PRIM2: variants seen among roughly 807,000 people sequenced by gnomAD.
PRIM2 encodes DNA primase subunit 2, also known as DNA primase large subunit.
A neutral mutation model predicts 67.3 loss-of-function variants in PRIM2; 39 were observed. The ratio of observed to expected loss-of-function variants is 0.58; its 90% CI spans 0.45 to 0.76. The LOEUF (loss-of-function observed/expected upper bound fraction) is 0.76, where lower values mean the gene tolerates loss of function less well. PRIM2 is among the 30% of genes least tolerant of loss of function. PRIM2 has a pLI of 0.00. For synonymous variants in PRIM2, 143 were observed against 198.7 expected (o/e 0.72, Z 2.36); for missense variants, 398 against 598.7 (o/e 0.66, Z 3.50).
At chr6:57,430,530 T>C (rs1226847269) in intron 7 of PRIM2, among the ~76,000 whole-genome samples, 2 of 139,182 alleles carry the variant, frequency 1.4e-5, no homozygotes, top group Non-Finnish European at 3.1e-5. Context: ...CTCAGCTCAC[T>C]GCAACCTCTA....
chr6:57,392,559 T>C (rs1409441587), intron 7 of PRIM2, among the ~76,000 whole-genome samples: 1 of 151,774 alleles, frequency 6.6e-6, no homozygotes, highest in South Asian at 2.1e-4. Context: ...AAAAGGAACA[T>C]AGAACTGATA....
chr6:57,594,706 A>G (rs1221979482), intron 10 of PRIM2, among the ~76,000 whole-genome samples: 1 of 152,228 alleles, frequency 6.6e-6, no homozygotes, highest in Non-Finnish European at 1.5e-5. Flanking sequence ...AAAAGCTAAA[A>G]CATTACAATT....
chr6:57,243,928 T>C, the PRIM2 span, among the ~76,000 whole-genome samples: 1 of 152,370 alleles, frequency 6.6e-6, no homozygotes, highest in South Asian at 2.1e-4. Context: ...TAATTATACC[T>C]GTTAAAGTAT....
chr6:57,620,945 G>A lies in PRIM2; in HGVS notation c.1231-11188G>A, dbSNP rs1265700331. ...AGGGGTAGCTGTTCTTATATCAGAT[G>A]AAACAAACTTTAAAGCAACAGCATT... is the stretch of plus-strand genomic sequence containing the variant. On this transcript the variant is annotated intron_variant, in intron 12 of 13. Coordinates refer to ENST00000615550, the MANE Select transcript of PRIM2 (RefSeq NM_000947.5). 5.2e-3 allele frequency among the ~76,000 whole-genome samples: 798 copies of A among 152,368 alleles called. 2 individuals are homozygous for A. The highest frequency in any genetic ancestry group is 0.018 in the African/African-American group (769 of 41,594).
chr6:57,340,355 G>A (rs1408320161), intron 5 of PRIM2, among the ~76,000 whole-genome samples: 2 of 151,998 alleles, frequency 1.3e-5, no homozygotes, highest in African/African-American at 2.4e-5. Context: ...CCCATTACTG[G>A]GTATATACCC....
chr6:57,517,003 G>A (rs1774501117), intron 8 of PRIM2, among the ~76,000 whole-genome samples: 1 of 152,156 alleles, frequency 6.6e-6, no homozygotes, highest in Non-Finnish European at 1.5e-5. Flanking sequence ...ACCAGAGATT[G>A]TAGATTTCCC....
intron 5 of PRIM2, among the ~76,000 whole-genome samples, chr6:57,328,222 A>G (rs1767939484): frequency 6.6e-6 from 1 of 152,208 alleles, no homozygotes; most frequent in Non-Finnish European, 1.5e-5. Context: ...AAATCTTGAC[A>G]TGCACCCTTT....
the PRIM2 span, among the ~76,000 whole-genome samples, chr6:57,241,830 GC>G: frequency 1.3e-5 from 2 of 150,604 alleles, no homozygotes; most frequent in East Asian, 3.9e-4. Context: ...CCGCCACCAC[GC>G]CTGGCTAATT....
At chr6:57,427,463 C>T (rs1321547696) in intron 7 of PRIM2, among the ~76,000 whole-genome samples, 1 of 152,152 alleles carries the variant, frequency 6.6e-6, no homozygotes, top group Non-Finnish European at 1.5e-5. Flanking sequence ...GGATTCCAGG[C>T]ATGCGCCACC....
intron 5 of PRIM2, among the ~76,000 whole-genome samples, chr6:57,370,978 A>ATGAG (rs1769534821): frequency 6.6e-6 from 1 of 152,078 alleles, no homozygotes; most frequent in African/African-American, 2.4e-5. Flanking sequence ...GATTTCAGGC[A>ATGAG]TGAGTGACTG....
chr6:57,384,326 A>C (rs13212573), intron 7 of PRIM2, among the ~76,000 whole-genome samples: 1 of 152,126 alleles, frequency 6.6e-6, no homozygotes, highest in African/African-American at 2.4e-5. Context: ...AACATAACTC[A>C]AGTCTTCACA....
chr6:57,249,016 T>C, the PRIM2 span, among the ~76,000 whole-genome samples: 143,825 of 152,156 alleles, frequency 0.95, 67,984 homozygotes, highest in South Asian at 0.98. Flanking sequence ...ACCTCATTGC[T>C]CCACTTTGGA....
upstream of PRIM2, among the ~76,000 whole-genome samples, chr6:57,315,859 G>T (rs773975453): frequency 6.6e-6 from 1 of 152,152 alleles, no homozygotes; most frequent in Non-Finnish European, 1.5e-5. Context: ...GCTATCCAGA[G>T]ATAAGATATT....
chr6:57,614,712 T>G (rs1776723322), intron 12 of PRIM2, among the ~76,000 whole-genome samples: 1 of 152,212 alleles, frequency 6.6e-6, no homozygotes, highest in African/African-American at 2.4e-5. Context: ...TAGCCGGGCG[T>G]GCTAGCGGGC....
chr6:57,295,861 C>A, the PRIM2 span, among the ~76,000 whole-genome samples: 3 of 152,122 alleles, frequency 2.0e-5, no homozygotes, highest in Non-Finnish European at 4.4e-5. Flanking sequence ...CTTCCCAACA[C>A]CCGGATTAAA....
At chr6:57,448,732 T>A (rs1349859845) in intron 7 of PRIM2, among the ~76,000 whole-genome samples, 1 of 152,164 alleles carries the variant, frequency 6.6e-6, no homozygotes, top group Non-Finnish European at 1.5e-5. Flanking sequence ...GAAAGGAATG[T>A]TTAAGATAAA....
chr6:57,248,220 G>A, the PRIM2 span, among the ~76,000 whole-genome samples: 1 of 152,210 alleles, frequency 6.6e-6, no homozygotes, highest in Non-Finnish European at 1.5e-5. Flanking sequence ...ACAGATGGTA[G>A]GAGCGGTTTC....
chr6:57,529,039 A>G (rs1386269647), intron 8 of PRIM2, among the ~76,000 whole-genome samples: 2 of 152,208 alleles, frequency 1.3e-5, no homozygotes, highest in East Asian at 3.8e-4. Flanking sequence ...AGCCGGGCGC[A>G]GTGGCTCACG....
At chr6:57,538,516 T>C (rs1775046335) in intron 10 of PRIM2, among the ~76,000 whole-genome samples, 1 of 152,210 alleles carries the variant, frequency 6.6e-6, no homozygotes, top group Non-Finnish European at 1.5e-5. Context: ...ATGAAGAACA[T>C]TTTTTACTGT....
Sources: allele counts gnomAD v4.1 joint callset (sites outside exome capture counted in the v4.1 genomes callset), GRCh38; gene constraint gnomAD v4.1.1; transcripts MANE v1.5; gene names NCBI Gene and HGNC (gene_info 2026-07-23, HGNC 2026-07-21).